The following BEND4 variants were observed in gnomAD, a reference collection of about 807,000 sequenced individuals.
The protein encoded by BEND4 is BEN domain-containing protein 4.
In BEND4, 27 loss-of-function variants were observed where a neutral mutation model predicts 54.7. That is an observed-to-expected ratio of 0.49 (90% confidence interval 0.36 to 0.68). The LOEUF is 0.68. BEND4 is among the 30% of genes least tolerant of loss of function. The pLI is 0.00. For synonymous variants in BEND4, 327 were observed against 299.5 expected (o/e 1.09, Z -0.95); for missense variants, 702 against 697.2 (o/e 1.01, Z -0.08).
chr4:42,146,033 T>C (rs1721071172), intron 2 of BEND4, among the ~76,000 whole-genome samples: 1 of 152,220 alleles, frequency 6.6e-6, no homozygotes, highest in African/African-American at 2.4e-5. Context: ...CTTCTTAGAA[T>C]AGTACTTTCT....
chr4:42,151,998 A>G lies in BEND4; in HGVS notation c.146T>C (p.Leu49Pro). The G allele has an allele frequency of 8.0e-7, 1 of 1,254,822 alleles. No individual in the cohort carries two copies. Among genetic ancestry groups the G allele is most frequent in the Non-Finnish European group, 1.0e-6 (1 of 995,182 alleles). 77.7% of individuals were successfully genotyped at this position (1,254,822 alleles called of 1,614,324 possible). The change falls in exon 2 of 6, where the codon CTG becomes CCG. Residue 49 changes from leucine (L) to proline (P), a missense_variant. Transcript: ENST00000502486. ...CGGCGGGGGCGCCCGCACGTGCGGC[A>G]GCTCCACCAGGGTGGGTCGCTCGTA... ...KRYERPTLVE[L>P]PHVRAPPPPP... is the part of the protein sequence containing the mutation.
chr4:42,132,049 C>CA (rs1157385378), intron 3 of BEND4, among the ~76,000 whole-genome samples: 1 of 152,068 alleles, frequency 6.6e-6, no homozygotes, highest in Non-Finnish European at 1.5e-5. Context: ...AAAACGGAGA[C>CA]AGGTGCGTCT....
chr4:42,137,870 A>C (rs2153146593), intron 3 of BEND4, among the ~76,000 whole-genome samples: 1 of 152,356 alleles, frequency 6.6e-6, no homozygotes, highest in South Asian at 2.1e-4. Flanking sequence ...CATCAGGGAA[A>C]TGCAAATCAA....
intron 3 of BEND4, among the ~76,000 whole-genome samples, chr4:42,131,817 G>A (rs1423645207): frequency 6.6e-6 from 1 of 151,452 alleles, no homozygotes; most frequent in African/African-American, 2.4e-5. Context: ...AGCCAAAACT[G>A]CCCCAGGTGT....
At chr4:42,120,392 G>C in intron 4 of BEND4, 98 bp from the exon 5 acceptor site, 1 of 1,447,306 alleles carries the variant, frequency 6.9e-7, no homozygotes, top group Non-Finnish European at 9.4e-7. Context: ...TTTTAACCAA[G>C]TGGCTATGCT....
intron 4 of BEND4, 122 bp from the exon 5 acceptor site, chr4:42,120,416 G>C: frequency 8.2e-7 from 1 of 1,213,130 alleles, no homozygotes; most frequent in Non-Finnish European, 1.2e-6. Flanking sequence ...AATGAACCAG[G>C]TATTGAAGTG....
chr4:42,133,015 T>C (rs972518409), intron 3 of BEND4, among the ~76,000 whole-genome samples: 4 of 152,252 alleles, frequency 2.6e-5, no homozygotes, highest in African/African-American at 9.6e-5. Context: ...AAAATGCATC[T>C]TGTATAATCC....
chr4:42,149,348 G>C (rs2153148041), intron 2 of BEND4, among the ~76,000 whole-genome samples: 1 of 152,258 alleles, frequency 6.6e-6, no homozygotes, highest in East Asian at 1.9e-4. Context: ...GTTAAGAGAT[G>C]GCTTTGTCCA....
chr4:42,129,981 A>C (rs1313526928), intron 3 of BEND4, among the ~76,000 whole-genome samples: 3 of 152,210 alleles, frequency 2.0e-5, no homozygotes, highest in Non-Finnish European at 2.9e-5. Context: ...AATGGGAGAA[A>C]ATTTCTGCAA....
chr4:42,137,394 A>T (rs947402241), intron 3 of BEND4, among the ~76,000 whole-genome samples: 3 of 152,186 alleles, frequency 2.0e-5, no homozygotes, highest in Admixed American at 6.5e-5. Flanking sequence ...CAAATACAAG[A>T]CCAGAAACTA....
intron 3 of BEND4, among the ~76,000 whole-genome samples, chr4:42,131,221 A>G (rs897250974): frequency 1.3e-5 from 2 of 152,228 alleles, no homozygotes; most frequent in Non-Finnish European, 2.9e-5. Flanking sequence ...CCCGGAACTT[A>G]AAATATATAA....
Position 42,120,327 on chromosome 4 carries a change from C to G in BEND4, c.1147-33G>C, listed in dbSNP as rs768703838. 4.4e-6 allele frequency: 7 copies of G among 1,585,568 alleles called. No individual in the cohort carries two copies. In the African/African-American group the frequency reaches 8.1e-5, roughly 18 times the overall value. On this transcript the variant is annotated intron_variant, in intron 4 of 5. Coordinates refer to ENST00000502486, the MANE Select transcript of BEND4 (RefSeq NM_207406.4). ...AGCGAAATATTTTCTCATTACCCAC[C>G]GAGCCAGCCAGCCAGAAGCAGAAGT...
chr4:42,151,752 G>C lies in BEND4; in HGVS notation c.392C>G (p.Ser131Trp). 6.7e-7 allele frequency: 1 copy of C among 1,500,570 alleles called. No homozygotes were observed. Among genetic ancestry groups the C allele is most frequent in the Non-Finnish European group, 8.8e-7 (1 of 1,131,084 alleles). 93.0% of individuals were successfully genotyped at this position (1,500,570 alleles called of 1,614,324 possible). ...PASPAASSSS[S>W]FAAVVRYGPG... ...GCCATACCTGACGACAGCGGCGAAC[G>C]AAGACGACGAGGAGGCGGCGGGGGA... is the stretch of plus-strand genomic sequence containing the variant. Residue 131 changes from serine to tryptophan, a missense_variant, in exon 2 of 6, where the codon TCG becomes TGG. Ser to Trp is a radical substitution (Grantham distance 177). Transcript: ENST00000502486.
intron 2 of BEND4, among the ~76,000 whole-genome samples, chr4:42,150,376 A>C (rs1721223553): frequency 6.6e-6 from 1 of 152,258 alleles, no homozygotes; most frequent in Non-Finnish European, 1.5e-5. Flanking sequence ...TCTTCAAATC[A>C]GTGAGAGATG....
chr4:42,131,510 C>A (rs897218411), intron 3 of BEND4, among the ~76,000 whole-genome samples: 1 of 152,094 alleles, frequency 6.6e-6, no homozygotes, highest in African/African-American at 2.4e-5. Context: ...TCTACATCAC[C>A]GTTGTCTCCC....
chr4:42,142,787 C>T lies in BEND4; in HGVS notation c.1054+641G>A, dbSNP rs1401912069. On this transcript the variant is annotated intron_variant, in intron 3 of 5. Coordinates refer to ENST00000502486, the MANE Select transcript of BEND4 (RefSeq NM_207406.4). ...AGGCAGGAAATGCCTCATGTTTAGTCAGGGCCAAGAAACGGTTTGGGGCCG... is the reference window on the plus strand; with the variant it reads ...AGGCAGGAAATGCCTCATGTTTAGTTAGGGCCAAGAAACGGTTTGGGGCCG... Among the ~76,000 whole-genome samples, 2 of 151,588 alleles carry T rather than the reference C, an allele frequency of 1.3e-5. 1 individual carries two copies. The highest frequency in any genetic ancestry group is 4.2e-4 in the South Asian group (2 of 4,806).
rs1049273808 is a variant in BEND4, at chr4:42,114,782, G to C, written c.*2736C>G. 1 of 151,292 alleles carries C rather than the reference G, an allele frequency of 6.6e-6. No individual in the cohort carries two copies. Among genetic ancestry groups the C allele is most frequent in the African/African-American group, 2.4e-5 (1 of 41,106 alleles). 9.4% of individuals were successfully genotyped at this position (151,292 alleles called of 1,614,324 possible). ...TTTGTTGGTCCTGATTTAAACAAGA[G>C]GAGACCATGCAGACGACCACCGTGA... On this transcript the variant is annotated 3_prime_UTR_variant, in exon 6 of 6. Coordinates refer to ENST00000502486, the MANE Select transcript of BEND4 (RefSeq NM_207406.4).
At chr4:42,135,156 T>C (rs933368459) in intron 3 of BEND4, among the ~76,000 whole-genome samples, 1 of 152,076 alleles carries the variant, frequency 6.6e-6, no homozygotes, top group Non-Finnish European at 1.5e-5. Context: ...ATGAGCCTGG[T>C]TGACACCAGT....
intron 3 of BEND4, among the ~76,000 whole-genome samples, chr4:42,133,661 TG>T (rs1327102047): frequency 6.6e-6 from 1 of 152,098 alleles, no homozygotes; most frequent in Non-Finnish European, 1.5e-5. Context: ...GAGACCATCC[TG>T]GGCTAACATG....
Sources: gnomAD v4.1 joint callset for allele counts (sites outside exome capture counted in the v4.1 genomes callset) on GRCh38, gnomAD v4.1.1 for gene constraint, MANE v1.5 for transcripts, NCBI Gene and HGNC (gene_info 2026-07-23, HGNC 2026-07-21) for gene names.